Variants in TGFA observed in about 807,000 individuals in gnomAD.
TGFA encodes transforming growth factor alpha.
TGFA carries 12 observed loss-of-function variants against 21.7 expected under a neutral mutation model. The ratio of observed to expected loss-of-function variants is 0.55; its 90% CI spans 0.35 to 0.90. The LOEUF (loss-of-function observed/expected upper bound fraction) is 0.90, where lower values mean the gene tolerates loss of function less well. TGFA is among the 40% of genes least tolerant of loss of function. The pLI, the probability that TGFA is intolerant of heterozygous loss-of-function variation, is 0.01. For synonymous variants in TGFA, 79 were observed against 88.1 expected (o/e 0.90, Z 0.58); for missense variants, 178 against 210.8 (o/e 0.84, Z 0.96).
At chr2:70,470,363 G>A (rs782809176) in intron 2 of TGFA, among the ~76,000 whole-genome samples, 2 of 152,184 alleles carry the variant, frequency 1.3e-5, no homozygotes, top group Admixed American at 6.5e-5. Flanking sequence ...CTAACTCTAT[G>A]CCTCCTGGCA....
intron 2 of TGFA, among the ~76,000 whole-genome samples, chr2:70,510,976 AAAAATAAAAGAAAAAAAATGC>A (rs1672080371): frequency 6.9e-6 from 1 of 145,332 alleles, no homozygotes; most frequent in Non-Finnish European, 1.5e-5. Context: ...TCTCATTTCT[AAAAATAAAAGAAAAAAAATGC>A]ACAAGAAAGC....
At chr2:70,514,740 C>G in intron 2 of TGFA, 119 bp downstream of exon 2, 1 of 1,096,954 alleles carries the variant, frequency 9.1e-7, no homozygotes, top group Non-Finnish European at 1.3e-6. Context: ...GAGAGGACTC[C>G]GGGACAGGCG....
In TGFA at chr2:70,465,730, G is replaced by A. The variant is rs199569305; in HGVS notation, c.101C>T (p.Pro34Leu). The change falls in exon 3 of 6, where the codon CCG (proline) becomes CTG (leucine). Residue 34 changes from proline to leucine, a missense_variant. Pro to Leu is a moderately conservative substitution (Grantham distance 98). Transcript: ENST00000295400. ...GGACACCACTGCTGCAGCCACGGGC[G>A]GGTCTGCTGGGGAGAGGAAAGATGC... is the stretch of plus-strand genomic sequence containing the variant. ...ENSTSPLSAD[P>L]PVAAAVVSHF... 24 of 1,613,888 alleles carry A rather than the reference G, an allele frequency of 1.5e-5. No individual in the cohort carries two copies. The East Asian group carries it at 1.6e-4, about 10-fold the overall frequency.
At chr2:70,516,438 A>G (rs1275568888) in intron 1 of TGFA, among the ~76,000 whole-genome samples, 1 of 152,224 alleles carries the variant, frequency 6.6e-6, no homozygotes, top group African/African-American at 2.4e-5. Flanking sequence ...AATGAGAAAC[A>G]TAAGAACTTC....
chr2:70,527,294 A>T (rs1446700787), intron 1 of TGFA, among the ~76,000 whole-genome samples: 1 of 152,280 alleles, frequency 6.6e-6, no homozygotes, highest in African/African-American at 2.4e-5. Context: ...ATCAAGTCAC[A>T]TAGAGAAAGC....
At chr2:70,494,797 A>T (rs774642239) in intron 2 of TGFA, among the ~76,000 whole-genome samples, 1 of 152,188 alleles carries the variant, frequency 6.6e-6, no homozygotes, top group Non-Finnish European at 1.5e-5. Context: ...GCCTATTCCA[A>T]TAATTTGCTT....
At chr2:70,531,198 T>G (rs951320535) in intron 1 of TGFA, among the ~76,000 whole-genome samples, 5 of 152,242 alleles carry the variant, frequency 3.3e-5, no homozygotes, top group African/African-American at 1.2e-4. Flanking sequence ...TTGACAGACC[T>G]GAACGTCCAC....
intron 1 of TGFA, among the ~76,000 whole-genome samples, chr2:70,521,747 T>C (rs148046131): frequency 0.055 from 8,275 of 151,082 alleles, 757 homozygotes; most frequent in African/African-American, 0.19. Flanking sequence ...CCCGAGTAGC[T>C]GGGACCACAG....
intron 1 of TGFA, among the ~76,000 whole-genome samples, chr2:70,521,333 C>T (rs1672452994): frequency 6.6e-6 from 1 of 152,180 alleles, no homozygotes; most frequent in African/African-American, 2.4e-5. Flanking sequence ...CCCAGCACTG[C>T]CCCTTTTCCC....
rs149169882 is a variant in TGFA at position 70,549,597 on chromosome 2, T to C, written c.40+4131A>G. ...TTTGAGTGTGACACCAAGCACAAGATGCCTAATTCAGTGTGTACAAGCCAT... is the reference window on the plus strand; with the variant it reads ...TTTGAGTGTGACACCAAGCACAAGACGCCTAATTCAGTGTGTACAAGCCAT... On this transcript the variant is annotated intron_variant, in intron 1 of 5. Coordinates refer to ENST00000295400, the MANE Select transcript of TGFA (RefSeq NM_003236.4). Among the ~76,000 whole-genome samples the C allele has an allele frequency of 2.2e-3, 336 of 152,338 alleles. 2 individuals carry two copies. The highest frequency in any genetic ancestry group is 6.8e-3 in the Middle Eastern group (2 of 294).
chr2:70,494,310 A>G (rs1231921396), intron 2 of TGFA, among the ~76,000 whole-genome samples: 1 of 152,226 alleles, frequency 6.6e-6, no homozygotes, highest in Non-Finnish European at 1.5e-5. Flanking sequence ...CATGTAAGGT[A>G]GCATAGTCAG....
chr2:70,553,055 A>G, intron 1 of TGFA: 1 of 978,392 alleles, frequency 1.0e-6, no homozygotes, highest in Non-Finnish European at 1.5e-6. Flanking sequence ...ATTTCCAAGG[A>G]CATACTCAAA....
chr2:70,510,494 T>C (rs1221337615), intron 2 of TGFA, among the ~76,000 whole-genome samples: 1 of 151,998 alleles, frequency 6.6e-6, no homozygotes, highest in Non-Finnish European at 1.5e-5. Flanking sequence ...TCAAGTCCAA[T>C]AGATGAGGAA....
intron 2 of TGFA, among the ~76,000 whole-genome samples, chr2:70,512,010 C>T (rs1553501002): frequency 1.3e-5 from 2 of 149,028 alleles, no homozygotes; most frequent in Admixed American, 1.3e-4. Context: ...GGATTTCAGC[C>T]CTGTGCGGTG....
chr2:70,479,969 A>G (rs1553495129), intron 2 of TGFA, among the ~76,000 whole-genome samples: 3 of 152,238 alleles, frequency 2.0e-5, no homozygotes, highest in African/African-American at 7.2e-5. Flanking sequence ...TTCTTGCATC[A>G]TCATCTTTAC....
intron 2 of TGFA, among the ~76,000 whole-genome samples, chr2:70,503,676 C>T (rs1056698785): frequency 5.3e-5 from 8 of 151,962 alleles, no homozygotes; most frequent in Non-Finnish European, 8.8e-5. Context: ...CTTTAACCAC[C>T]GTGCTATCAA....
chr2:70,520,078 G>T (rs528457315), intron 1 of TGFA, among the ~76,000 whole-genome samples: 1 of 152,346 alleles, frequency 6.6e-6, no homozygotes, highest in South Asian at 2.1e-4. Flanking sequence ...AGGTCCATAA[G>T]TCACCATGAG....
chr2:70,546,483 C>A (rs62151582), intron 1 of TGFA, among the ~76,000 whole-genome samples: 25,450 of 151,542 alleles, frequency 0.17, 2,737 homozygotes, highest in East Asian at 0.36. Context: ...AATGAAAAAC[C>A]TTATTATTAT....
intron 2 of TGFA, among the ~76,000 whole-genome samples, chr2:70,500,297 A>C (rs559424600): frequency 1.3e-5 from 2 of 152,308 alleles, no homozygotes; most frequent in African/African-American, 4.8e-5. Flanking sequence ...ATATTAACTG[A>C]GAATCCTCTC....
Sources: gnomAD v4.1 joint callset for allele counts (sites outside exome capture counted in the v4.1 genomes callset) on GRCh38, gnomAD v4.1.1 for gene constraint, MANE v1.5 for transcripts, NCBI Gene and HGNC (gene_info 2026-07-23, HGNC 2026-07-21) for gene names.